ERLEC1: variants seen among roughly 807,000 people sequenced by gnomAD.
ERLEC1 encodes the protein ER lectin.
In ERLEC1, 47 loss-of-function variants were observed where a neutral mutation model predicts 68.0. That is an observed-to-expected ratio of 0.69 (90% CI 0.55 to 0.88). The LOEUF (loss-of-function observed/expected upper bound fraction) is 0.88. Ranked by LOEUF, ERLEC1 falls within the 40% of genes least tolerant of loss-of-function variation. The probability of loss-of-function intolerance (pLI) is 0.00; values close to 1 mark genes in which losing one functional copy is unlikely to be tolerated. For missense variants in ERLEC1, 567 were observed against 583.8 expected (o/e 0.97, Z 0.30); for synonymous variants, 225 against 203.2 (o/e 1.11, Z -0.91).
intron 6 of ERLEC1, among the ~76,000 whole-genome samples, chr2:53,800,067 T>A (rs1043284280): frequency 1.3e-5 from 2 of 152,134 alleles, no homozygotes; most frequent in Non-Finnish European, 1.5e-5. Flanking sequence ...CAAAAACCTT[T>A]TAATACACAG....
intron 8 of ERLEC1, among the ~76,000 whole-genome samples, chr2:53,802,541 A>G (rs1432679379): frequency 6.6e-6 from 1 of 152,274 alleles, no homozygotes; most frequent in African/African-American, 2.4e-5. Context: ...TCCCCTTTCT[A>G]ATTCTTCCCA....
At chr2:53,787,787 G>T (rs1208618821) in intron 1 of ERLEC1, among the ~76,000 whole-genome samples, 1 of 152,162 alleles carries the variant, frequency 6.6e-6, no homozygotes, top group Non-Finnish European at 1.5e-5. Flanking sequence ...CAGTACTTCA[G>T]ACTCGAGTTC....
Position 53,817,947 on chromosome 2 carries a change from G to T in ERLEC1, c.1430G>T (p.Gly477Val). ...CKILDTADEN[G>V]LLSLPN Reference sequence around the variant, plus strand: ...ATCTTAGATACAGCAGATGAAAATGGACTTCTTTCTCTCCCCAACTAAAGG... The same window carrying T: ...ATCTTAGATACAGCAGATGAAAATGTACTTCTTTCTCTCCCCAACTAAAGG... The change falls in exon 14 of 14, where the codon GGA becomes GTA. Residue 477 changes from glycine (G) to valine (V), a missense_variant. Transcript: ENST00000185150. 6.3e-7 allele frequency: 1 copy of T among 1,593,632 alleles called. No individual in the cohort carries two copies. Among genetic ancestry groups the T allele is most frequent in the South Asian group, 1.1e-5 (1 of 90,632 alleles).
intron 6 of ERLEC1, 42 bp from the exon 7 acceptor site, chr2:53,801,355 C>T (rs1675992784): frequency 2.0e-6 from 3 of 1,500,130 alleles, no homozygotes; most frequent in Middle Eastern, 1.8e-4. Context: ...GTCCCATCTC[C>T]ATGTCTAATG....
intron 6 of ERLEC1, among the ~76,000 whole-genome samples, chr2:53,801,164 C>T (rs565868678): frequency 1.1e-4 from 17 of 152,156 alleles, no homozygotes; most frequent in African/African-American, 3.4e-4. Context: ...TTAATTTTGG[C>T]ACTAAATAAT....
In ERLEC1 at chr2:53,787,122, G is replaced by T; in HGVS notation, c.-89G>T. 2 of 1,359,800 alleles carry T rather than the reference G, an allele frequency of 1.5e-6. No individual in the cohort carries two copies. Among genetic ancestry groups the T allele is most frequent in the Non-Finnish European group, 1.9e-6 (2 of 1,042,450 alleles). The allele number at this position is 1,359,800 out of a possible 1,614,324, so 84.2% of individuals were successfully genotyped here. A position where few individuals can be genotyped will look rare whatever the true frequency, so the allele number is the denominator to read the frequency against. On this transcript the variant is annotated 5_prime_UTR_variant, in exon 1 of 14. Coordinates refer to ENST00000185150, the MANE Select transcript of ERLEC1 (RefSeq NM_015701.5). ...TGATACCCGGGCGCTTTATAGTCCC[G>T]CCGCCTCCTCCTCCACCTCCTCCTC...
chr2:53,809,830 C>T (rs983102612), intron 10 of ERLEC1, among the ~76,000 whole-genome samples: 4 of 152,034 alleles, frequency 2.6e-5, no homozygotes, highest in South Asian at 2.1e-4. Context: ...CCAAGGTGGG[C>T]GGATCACCTG....
intron 1 of ERLEC1, among the ~76,000 whole-genome samples, chr2:53,788,429 G>T (rs894463795): frequency 6.6e-6 from 1 of 152,136 alleles, no homozygotes; most frequent in Admixed American, 6.5e-5. Flanking sequence ...TTGAGACAGG[G>T]TCTCAGTCTG....
intron 10 of ERLEC1, 73 bp from the exon 11 acceptor site, chr2:53,812,876 G>A (rs74504425): frequency 5.0e-5 from 75 of 1,513,342 alleles, no homozygotes; most frequent in Admixed American, 8.5e-5. Context: ...TTACAAGAAG[G>A]TCAGGTCATC....
At chr2:53,805,647 C>G (rs1288925690) in intron 8 of ERLEC1, among the ~76,000 whole-genome samples, 1 of 152,182 alleles carries the variant, frequency 6.6e-6, no homozygotes, top group Non-Finnish European at 1.5e-5. Context: ...GATTTCCTTT[C>G]TTTTGGGTAT....
At position 53,787,051 on chromosome 2, in the gene ERLEC1, G is replaced by A. The variant is rs1350207796; in HGVS notation, c.-160G>A. The A allele has an allele frequency of 6.1e-6, 6 of 986,182 alleles. No homozygotes were observed. Among genetic ancestry groups the A allele is most frequent in the Non-Finnish European group, 8.5e-6 (6 of 704,420 alleles). The allele number at this position is 986,182 out of a possible 1,614,324, so 61.1% of individuals were successfully genotyped here. The stretch of plus-strand genomic sequence containing the variant: ...CAGGAGGCTCAAGGGGGCGGAGGCG[G>A]CGTTGCCGGGCTCTCCGGAAGGAGA... On this transcript the variant is annotated 5_prime_UTR_variant, in exon 1 of 14. Coordinates refer to ENST00000185150, the MANE Select transcript of ERLEC1 (RefSeq NM_015701.5).
intron 3 of ERLEC1, 144 bp from the exon 4 acceptor site, chr2:53,797,370 AT>A (rs1675769040): frequency 8.5e-6 from 5 of 588,650 alleles, no homozygotes; most frequent in Admixed American, 3.4e-5. Flanking sequence ...GAAATTTCAC[AT>A]TTTTTTGAGG....
intron 10 of ERLEC1, 129 bp downstream of exon 10, chr2:53,809,402 A>T: frequency 1.5e-6 from 1 of 684,346 alleles, no homozygotes; most frequent in Non-Finnish European, 2.3e-6. Flanking sequence ...AGTATAATCA[A>T]AGTATCTCCA....
chr2:53,814,440 A>T, intron 11 of ERLEC1, 103 bp from the exon 12 acceptor site: 1 of 635,944 alleles, frequency 1.6e-6, no homozygotes, highest in Non-Finnish European at 2.6e-6. Context: ...TTTTTTAACT[A>T]ATGCAAAACT....
chr2:53,799,169 T>G, intron 6 of ERLEC1, 88 bp downstream of exon 6: 4 of 1,068,800 alleles, frequency 3.7e-6, no homozygotes, highest in Non-Finnish European at 5.6e-6. Context: ...GAATATATCT[T>G]TATGTTCTTA....
intron 1 of ERLEC1, among the ~76,000 whole-genome samples, chr2:53,789,127 G>A (rs568579822): frequency 1.5e-4 from 23 of 151,946 alleles, no homozygotes; most frequent in South Asian, 4.1e-4. Context: ...CATGTGCGGC[G>A]GCTCACATCT....
intron 1 of ERLEC1, among the ~76,000 whole-genome samples, chr2:53,791,822 C>G (rs12104692): frequency 2.0e-5 from 3 of 146,700 alleles, no homozygotes; most frequent in Non-Finnish European, 3.0e-5. Flanking sequence ...ATAAATGTTT[C>G]TAAGAAATTC....
At chr2:53,800,699 G>A (rs1161487088) in intron 6 of ERLEC1, among the ~76,000 whole-genome samples, 1 of 152,092 alleles carries the variant, frequency 6.6e-6, no homozygotes, top group Non-Finnish European at 1.5e-5. Flanking sequence ...TGTTTATGTA[G>A]AGAAAAGTGT....
rs1366555607 is a variant in ERLEC1 at position 53,817,880 on chromosome 2, TTTG to T, written c.1381-12_1381-10del. ...TTCAGCTTAGCAACTTTTTAATGGC[TTTG>T]TTGTTCTTCTTTAGGTTGAATCTCC... On this transcript the variant is annotated splice_polypyrimidine_tract_variant and intron_variant, in intron 13 of 13. Coordinates refer to ENST00000185150, the MANE Select transcript of ERLEC1 (RefSeq NM_015701.5). The T allele has an allele frequency of 3.8e-6, 6 of 1,568,032 alleles. No individual in the cohort carries two copies. Among genetic ancestry groups the T allele is most frequent in the Non-Finnish European group, 3.5e-6 (4 of 1,138,810 alleles).
Sources: gnomAD v4.1 joint callset for allele counts (sites outside exome capture counted in the v4.1 genomes callset) on GRCh38, gnomAD v4.1.1 for gene constraint, MANE v1.5 for transcripts, NCBI Gene and HGNC (gene_info 2026-07-23, HGNC 2026-07-21) for gene names.